The following RUNX1 variants were observed in gnomAD, a reference collection of about 807,000 sequenced individuals.
RUNX1 encodes RUNX family transcription factor 1.
Under a neutral mutation model 42.8 loss-of-function variants are expected in RUNX1, and 19 were observed. The ratio of observed to expected loss-of-function variants is 0.44; its 90% CI spans 0.31 to 0.65. The LOEUF (loss-of-function observed/expected upper bound fraction) is 0.65. Among genes scored for constraint, RUNX1 ranks in the 30% least tolerant of loss-of-function variants. The pLI, the probability that RUNX1 is intolerant of heterozygous loss-of-function variation, is 0.07. For missense variants in RUNX1, 528 were observed against 672.0 expected (o/e 0.79, Z 2.37); for synonymous variants, 271 against 289.4 (o/e 0.94, Z 0.64).
intron 2 of RUNX1, among the ~76,000 whole-genome samples, chr21:34,962,461 T>C (rs936316126): frequency 4.6e-5 from 7 of 152,202 alleles, no homozygotes; most frequent in African/African-American, 1.7e-4. Flanking sequence ...AAAGATAATA[T>C]CACCAAACAG....
intron 2 of RUNX1, among the ~76,000 whole-genome samples, chr21:34,977,035 T>C (rs1482717119): frequency 1.3e-5 from 2 of 152,254 alleles, no homozygotes; most frequent in East Asian, 3.8e-4. Context: ...TCTTCACCAA[T>C]TCAATGGATA....
intron 8 of RUNX1, among the ~76,000 whole-genome samples, chr21:34,793,142 C>A (rs1033925697): frequency 1.3e-5 from 2 of 150,440 alleles, no homozygotes; most frequent in African/African-American, 4.9e-5. Flanking sequence ...ACTGAGGATG[C>A]TGCTGCCTAG....
At chr21:35,033,012 T>C (rs1029445474) in intron 2 of RUNX1, among the ~76,000 whole-genome samples, 1 of 152,170 alleles carries the variant, frequency 6.6e-6, no homozygotes, top group African/African-American at 2.4e-5. Flanking sequence ...CATTCATCCA[T>C]CCATCTATCC....
In RUNX1 at chr21:34,967,082, C is replaced by T. The variant is rs955200744; in HGVS notation, c.59-74119G>A. ...TAGTATTTTCCCAGGCCGGGCGCGG[C>T]GGCCAAGGCGAGTGGATCATGAAGT... On this transcript the variant is annotated intron_variant, in intron 2 of 8. Coordinates refer to ENST00000675419, the MANE Select transcript of RUNX1 (RefSeq NM_001754.5). Among the ~76,000 whole-genome samples the T allele has an allele frequency of 1.4e-4, 21 of 151,766 alleles. 1 individual carries two copies. Among genetic ancestry groups the T allele is most frequent in the South Asian group, 6.3e-4 (3 of 4,798 alleles).
chr21:34,916,336 C>T (rs1202385238), intron 2 of RUNX1, among the ~76,000 whole-genome samples: 2 of 152,156 alleles, frequency 1.3e-5, no homozygotes, highest in Non-Finnish European at 2.9e-5. Context: ...ACCCCATGTT[C>T]AACGAACATA....
chr21:34,961,616 T>C (rs548975701), intron 2 of RUNX1, among the ~76,000 whole-genome samples: 1 of 152,248 alleles, frequency 6.6e-6, no homozygotes, highest in East Asian at 1.9e-4. Flanking sequence ...AAAGTGACTT[T>C]AAGGCAAGCA....
At chr21:34,968,642 C>A (rs1355556842) in intron 2 of RUNX1, among the ~76,000 whole-genome samples, 2 of 142,364 alleles carry the variant, frequency 1.4e-5, no homozygotes. Flanking sequence ...AACCAGTGTG[C>A]CTGGCTGCCA....
At chr21:34,849,575 T>C (rs1266762469) in intron 6 of RUNX1, among the ~76,000 whole-genome samples, 2 of 140,304 alleles carry the variant, frequency 1.4e-5, no homozygotes, top group South Asian at 2.1e-4. Context: ...TGACACGGCA[T>C]AATTTACACA....
At chr21:34,855,308 C>T (rs533541088) in intron 6 of RUNX1, among the ~76,000 whole-genome samples, 6 of 152,250 alleles carry the variant, frequency 3.9e-5, no homozygotes, top group Non-Finnish European at 7.4e-5. Flanking sequence ...AGAGAAGATG[C>T]TTTGGGATCT....
At chr21:34,813,098 A>G (rs1204333861) in intron 7 of RUNX1, among the ~76,000 whole-genome samples, 1 of 152,112 alleles carries the variant, frequency 6.6e-6, no homozygotes, top group African/African-American at 2.4e-5. Flanking sequence ...CAAACGGGTG[A>G]TTTCTCCTCC....
At chr21:35,001,308 TTA>T (rs3059374) in intron 2 of RUNX1, among the ~76,000 whole-genome samples, 67,527 of 142,006 alleles carry the variant, frequency 0.48, 15,873 homozygotes, top group South Asian at 0.5. Context: ...AGTTATGGTT[TTA>T]TATATATATA....
At chr21:34,801,907 T>C (rs1238407667) in intron 7 of RUNX1, among the ~76,000 whole-genome samples, 3 of 152,198 alleles carry the variant, frequency 2.0e-5, no homozygotes, top group Non-Finnish European at 4.4e-5. Context: ...AGGTGAACTC[T>C]TGGTCTTTCT....
In RUNX1 at chr21:34,839,415, C is replaced by G. The variant is rs1601425246; in HGVS notation, c.614-4814G>C. Among the ~76,000 whole-genome samples, 3 of 152,328 alleles carry G rather than the reference C, an allele frequency of 2.0e-5. No individual in the cohort carries two copies. In the South Asian group the frequency reaches 6.2e-4, roughly 32 times the overall value. The stretch of plus-strand genomic sequence containing the variant: ...AATTCAACACCCACCGACACACACA[C>G]TCGGGATGTACACTCAGTGCACCTA... On this transcript the variant is annotated intron_variant, in intron 6 of 8. Coordinates refer to ENST00000675419, the MANE Select transcript of RUNX1 (RefSeq NM_001754.5).
rs992129082 is a variant in RUNX1 at position 34,821,778 on chromosome 21, CT to C, written c.805+12631del. 71 of 1,240,950 alleles carry C rather than the reference CT, an allele frequency of 5.7e-5. No homozygotes were observed. The African/African-American group carries it at 9.2e-4, about 16-fold the overall frequency. The allele number at this position is 1,240,950 out of a possible 1,614,324, so 76.9% of individuals were successfully genotyped here. On this transcript the variant is annotated intron_variant, in intron 7 of 8. Transcript: ENST00000675419. Reference sequence around the variant, plus strand: ...AGAGCCGCGAATGCATTCCCCTCCCCTACCCCAAGGCGTGAAAGAATCAAAT... The same window carrying C: ...AGAGCCGCGAATGCATTCCCCTCCCCACCCCAAGGCGTGAAAGAATCAAAT...
At chr21:34,804,026 C>A (rs1601357003) in intron 7 of RUNX1, among the ~76,000 whole-genome samples, 4 of 152,150 alleles carry the variant, frequency 2.6e-5, no homozygotes, top group Non-Finnish European at 4.4e-5. Flanking sequence ...CATGACTTTT[C>A]TTAAGTCCAA....
At chr21:34,888,221 G>A in intron 3 of RUNX1, 1 of 1,066,878 alleles carries the variant, frequency 9.4e-7, no homozygotes, top group Non-Finnish European at 1.1e-6. Context: ...TCCGAGGCAC[G>A]AACACCCACG....
At chr21:34,822,667 G>C (rs1412203406) in intron 7 of RUNX1, among the ~76,000 whole-genome samples, 1 of 152,218 alleles carries the variant, frequency 6.6e-6, no homozygotes, top group African/African-American at 2.4e-5. Context: ...CTTGAGATGA[G>C]AGAGCTAAAT....
At chr21:34,835,783 G>A (rs1050896910) in intron 6 of RUNX1, among the ~76,000 whole-genome samples, 4 of 152,094 alleles carry the variant, frequency 2.6e-5, no homozygotes, top group African/African-American at 9.7e-5. Flanking sequence ...CAGCCTGCCC[G>A]CTGCCCCCAT....
At chr21:34,893,686 A>G (rs1422114883) in intron 2 of RUNX1, among the ~76,000 whole-genome samples, 11 of 152,070 alleles carry the variant, frequency 7.2e-5, no homozygotes, top group Non-Finnish European at 4.4e-5. Flanking sequence ...AAGAGGAAAT[A>G]CTGTTCTTTA....
Sources: gnomAD v4.1 joint callset for allele counts (sites outside exome capture counted in the v4.1 genomes callset) on GRCh38, gnomAD v4.1.1 for gene constraint, MANE v1.5 for transcripts, NCBI Gene and HGNC (gene_info 2026-07-23, HGNC 2026-07-21) for gene names.